IFI27L1: variants seen among roughly 807,000 people sequenced by gnomAD.
The protein encoded by IFI27L1 is interferon alpha-inducible protein 27-like protein 1.
Under a neutral mutation model 9.2 loss-of-function variants are expected in IFI27L1, and 3 were observed. The observed-to-expected ratio is 0.32, with a 90% CI of 0.15 to 0.84. IFI27L1 has a LOEUF of 0.84. Among genes scored for constraint, IFI27L1 ranks in the 40% least tolerant of loss-of-function variants. The probability of loss-of-function intolerance (pLI) is 0.56; values close to 1 mark genes in which losing one functional copy is unlikely to be tolerated. For missense variants in IFI27L1, 133 were observed against 134.2 expected, an observed-to-expected ratio of 0.99 and a Z score of 0.05; for synonymous variants, 53 against 50.0, an observed-to-expected ratio of 1.06 and a Z score of -0.26.
At chr14:94,089,285 T>C (rs1886388832) in intron 1 of IFI27L1, 1 of 152,204 alleles carries the variant, frequency 6.6e-6, no homozygotes, top group African/African-American at 2.4e-5. Context: ...ATAATACTTA[T>C]AGTTATTTCT....
Position 94,090,902 on chromosome 14 carries a change from A to G in IFI27L1, c.-51-5985A>G, listed in dbSNP as rs531140769. Among the ~76,000 whole-genome samples, 43 of 152,368 alleles carry G rather than the reference A, an allele frequency of 2.8e-4. No individual in the cohort carries two copies. The South Asian group carries it at 7.5e-3, about 26-fold the overall frequency. On this transcript the variant is annotated intron_variant, in intron 1 of 4. Coordinates refer to ENST00000555523, the MANE Select transcript of IFI27L1 (RefSeq NM_206949.3). ...TCCAAATTCTGGAGAAATCAGGTAG[A>G]GAGAAGCAAATATACTCCAAATTTT...
chr14:94,095,763 C>T (rs779923751), intron 1 of IFI27L1, among the ~76,000 whole-genome samples: 2 of 152,100 alleles, frequency 1.3e-5, no homozygotes, highest in Non-Finnish European at 2.9e-5. Context: ...AGGGATTTTC[C>T]CCCATGACCT....
chr14:94,092,295 C>T (rs886776438), intron 1 of IFI27L1, among the ~76,000 whole-genome samples: 6 of 151,680 alleles, frequency 4.0e-5, no homozygotes, highest in Non-Finnish European at 7.4e-5. Context: ...GGGCGGATCA[C>T]GAGGTCAGGA....
chr14:94,100,167 A>G, intron 2 of IFI27L1: 1 of 448,378 alleles, frequency 2.2e-6, no homozygotes, highest in Non-Finnish European at 2.9e-6. Flanking sequence ...TCATCAAGAC[A>G]GGTCAGGAGT....
At chr14:94,101,788 C>T in intron 3 of IFI27L1, 26 bp from the exon 4 acceptor site, 1 of 1,613,476 alleles carries the variant, frequency 6.2e-7, no homozygotes, top group South Asian at 1.1e-5. Context: ...CCCATGGGGC[C>T]AACCCCAAAT....
intron 1 of IFI27L1, among the ~76,000 whole-genome samples, chr14:94,091,883 G>A (rs537309934): frequency 5.3e-5 from 8 of 152,010 alleles, no homozygotes; most frequent in African/African-American, 1.9e-4. Flanking sequence ...CAGCACTTTG[G>A]GAGGCCAAGG....
intron 2 of IFI27L1, 90 bp downstream of exon 2, chr14:94,097,055 C>A: frequency 2.0e-6 from 2 of 997,764 alleles, no homozygotes; most frequent in South Asian, 1.7e-5. Flanking sequence ...ATTATGTCAA[C>A]CCCAAATAAC....
chr14:94,089,176 C>G (rs1257106995), intron 1 of IFI27L1: 2 of 152,156 alleles, frequency 1.3e-5, no homozygotes, highest in Non-Finnish European at 2.9e-5. Flanking sequence ...GAAAGAATTT[C>G]AGGTGAATCC....
intron 1 of IFI27L1, among the ~76,000 whole-genome samples, chr14:94,081,798 T>A (rs532113491): frequency 2.0e-5 from 3 of 152,314 alleles, no homozygotes; most frequent in African/African-American, 7.2e-5. Flanking sequence ...ATGTTGTGTG[T>A]GTTCAGACTA....
chr14:94,087,136 A>G (rs1886307879), intron 1 of IFI27L1, among the ~76,000 whole-genome samples: 1 of 152,266 alleles, frequency 6.6e-6, no homozygotes, highest in South Asian at 2.1e-4. Context: ...AGCCTTAATC[A>G]ATTACTCTTA....
chr14:94,082,799 T>G (rs1886153643), intron 1 of IFI27L1, among the ~76,000 whole-genome samples: 1 of 152,226 alleles, frequency 6.6e-6, no homozygotes, highest in Non-Finnish European at 1.5e-5. Flanking sequence ...TATTGCTCAT[T>G]GAAAATGTGC....
intron 2 of IFI27L1, chr14:94,100,207 C>T (rs1886840282): frequency 2.2e-6 from 2 of 900,112 alleles, no homozygotes; most frequent in East Asian, 1.2e-4. Context: ...GGTCCTGAGC[C>T]ATGAGCTAAA....
intron 2 of IFI27L1, 43 bp from the exon 3 acceptor site, chr14:94,100,696 G>GTGTT (rs774279542): frequency 1.5e-5 from 24 of 1,609,530 alleles, no homozygotes; most frequent in East Asian, 2.2e-5. Context: ...CCATAGGTTT[G>GTGTT]TGTTTGTTTG....
Position 94,101,836 on chromosome 14 carries a change from C to T in IFI27L1, c.84C>T (p.Leu28=), listed in dbSNP as rs770713618. ...CAGTTGTGGCTGTGGGGACTGTGCT[C>T]GTGGCGCTCAGTGCCATGGGCTTCA... is the stretch of plus-strand genomic sequence containing the variant. ...VGGVVAVGTV[L]VALSAMGFTS... Residue 28 remains leucine (L), a synonymous_variant, in exon 4 of 5, where the codon CTC becomes CTT. Transcript: ENST00000555523. 23 of 1,614,248 alleles carry T rather than the reference C, an allele frequency of 1.4e-5. No individual in the cohort carries two copies. In the African/African-American group the frequency reaches 2.0e-4, roughly 14 times the overall value.
Position 94,102,542 on chromosome 14 carries a change from T to C in IFI27L1, c.289T>C (p.Trp97Arg). The C allele has an allele frequency of 6.3e-7, 1 of 1,582,608 alleles. No individual in the cohort carries two copies. ...CTTTGCTGGGACAGCTCTTGGGGCC[T>C]GGCTGGGTTCACCCCCTTCCAGCTG... ...GGFAGTALGA[W>R]LGSPPSS Residue 97 changes from tryptophan to arginine, a missense_variant, in exon 5 of 5, where the codon TGG (tryptophan) becomes CGG (arginine). Coordinates refer to ENST00000555523, the MANE Select transcript of IFI27L1 (RefSeq NM_206949.3).
At chr14:94,100,386 T>C (rs1037917922) in intron 2 of IFI27L1, 12 of 985,288 alleles carry the variant, frequency 1.2e-5, no homozygotes, top group East Asian at 2.3e-4. Context: ...CCCCAGTCCC[T>C]GCCCCCGTGG....
chr14:94,087,047 G>C (rs1342078294), intron 1 of IFI27L1, among the ~76,000 whole-genome samples: 1 of 152,108 alleles, frequency 6.6e-6, no homozygotes, highest in African/African-American at 2.4e-5. Flanking sequence ...TGTAAAGGAA[G>C]ACAAAGGTTT....
At position 94,101,945 on chromosome 14, in the gene IFI27L1, GGCAGTCTGGTGGCTATTCT is replaced by G; in HGVS notation, c.200_218del (p.Leu67GlnfsTer9). 6.2e-7 allele frequency: 1 copy of G among 1,614,254 alleles called. No homozygotes were observed. Among genetic ancestry groups the G allele is most frequent in the Non-Finnish European group, 8.5e-7 (1 of 1,180,048 alleles). On this transcript the variant is annotated frameshift_variant, in exon 4 of 5. Transcript: ENST00000555523. LOFTEE classifies it low-confidence loss of function (END_TRUNC). ...TGCCAACGGGGGCGGAGTTGCTGCT[GGCAGTCTGGTGGCTATTCT>G]GCAGTCAGTGGGTGAGTGTTCTGGA...
chr14:94,087,576 G>A (rs1470444682), intron 1 of IFI27L1, among the ~76,000 whole-genome samples: 4 of 152,088 alleles, frequency 2.6e-5, no homozygotes, highest in Admixed American at 6.5e-5. Context: ...ACAGGCACTC[G>A]CCACCACACC....
Sources: allele counts gnomAD v4.1 joint callset (sites outside exome capture counted in the v4.1 genomes callset), GRCh38; gene constraint gnomAD v4.1.1; transcripts MANE v1.5; gene names NCBI Gene and HGNC (gene_info 2026-07-23, HGNC 2026-07-21).